The following CHD1 variants were observed in gnomAD, a reference collection of about 807,000 sequenced individuals.
CHD1 encodes chromodomain helicase DNA binding protein 1.
A neutral mutation model predicts 224.2 loss-of-function variants in CHD1; 36 were observed. The observed-to-expected ratio is 0.16, with a 90% CI of 0.12 to 0.21. The LOEUF (loss-of-function observed/expected upper bound fraction) is 0.21. Among genes scored for constraint, CHD1 ranks in the 10% least tolerant of loss-of-function variants. The pLI is 1.00. For synonymous variants in CHD1, 668 were observed against 658.3 expected, an observed-to-expected ratio of 1.01 and a Z score of -0.23; for missense variants, 1,378 against 1,994.8, an observed-to-expected ratio of 0.69 and a Z score of 5.89.
At chr5:98,858,920 A>G in intron 34 of CHD1, 44 bp downstream of exon 34, 1 of 1,408,194 alleles carries the variant, frequency 7.1e-7, no homozygotes, top group Non-Finnish European at 9.4e-7. Flanking sequence ...AATTTAAAAA[A>G]AATTTTTTTT....
chr5:98,916,516 G>A (rs1426468428), intron 2 of CHD1, among the ~76,000 whole-genome samples: 1 of 121,604 alleles, frequency 8.2e-6, no homozygotes, highest in Non-Finnish European at 1.6e-5. Flanking sequence ...TTGCACTCCA[G>A]TCTGGGCAAC....
chr5:98,895,070 C>G (rs1751257752), intron 12 of CHD1, among the ~76,000 whole-genome samples: 1 of 152,176 alleles, frequency 6.6e-6, no homozygotes, highest in Non-Finnish European at 1.5e-5. Flanking sequence ...ATCCACCTAC[C>G]TTGGCCTCCC....
Position 98,873,719 on chromosome 5 carries a change from C to G in CHD1, c.3445G>C (p.Asp1149His). The G allele has an allele frequency of 6.2e-7, 1 of 1,601,096 alleles. No homozygotes were observed. Among genetic ancestry groups the G allele is most frequent in the Non-Finnish European group, 8.5e-7 (1 of 1,176,198 alleles). Residue 1149 changes from aspartate to histidine, a missense_variant, in exon 26 of 36, where the codon GAT becomes CAT. Asp to His is a moderately conservative substitution (Grantham distance 81, BLOSUM62 -1). This residue lies in a region of CHD1 where 286 missense variants were observed against 445.1 expected (regional missense o/e 0.64). Coordinates refer to ENST00000614616, the MANE Select transcript of CHD1 (RefSeq NM_001270.4). Reference protein sequence around the residue: ...KKFGGPLERLDAIARDAELVD... With the variant: ...KKFGGPLERLHAIARDAELVD... Reference sequence around the variant, plus strand: ...AACTCAGCATCTCGAGCAATTGCATCTAATCTGTAACAAAATAATCCAATT... The same window carrying G: ...AACTCAGCATCTCGAGCAATTGCATGTAATCTGTAACAAAATAATCCAATT...
At position 98,928,818 on chromosome 5, in the gene CHD1, C is replaced by G. The variant is rs1753692684; in HGVS notation, c.-428G>C. ...AAGTAACCAGTCGTCGCCGCCGCCG[C>G]CGCCGCCGTCGCGCGCGCGCTCCCG... On this transcript the variant is annotated 5_prime_UTR_variant, in exon 1 of 36. Transcript: ENST00000614616. The G allele has an allele frequency of 6.2e-6, 1 of 160,650 alleles. No homozygotes were observed. Among genetic ancestry groups the G allele is most frequent in the African/African-American group, 2.4e-5 (1 of 41,520 alleles). The allele number at this position is 160,650 out of a possible 1,614,324, so 10.0% of individuals were successfully genotyped here. A position where few individuals can be genotyped will look rare whatever the true frequency, so the allele number is the denominator to read the frequency against.
chr5:98,872,768 T>A (rs141460034), intron 26 of CHD1, among the ~76,000 whole-genome samples: 19 of 152,202 alleles, frequency 1.2e-4, no homozygotes, highest in Non-Finnish European at 2.5e-4. Context: ...TTTCTCTAAG[T>A]GTTTTACCAA....
At chr5:98,870,255 A>AAC (rs1198524673) in intron 29 of CHD1, among the ~76,000 whole-genome samples, 1 of 152,162 alleles carries the variant, frequency 6.6e-6, no homozygotes, top group Non-Finnish European at 1.5e-5. Flanking sequence ...GTAAACTTCT[A>AAC]ACAGTTGCTC....
chr5:98,868,658 A>T (rs1054055367), intron 30 of CHD1, 23 bp from the exon 31 acceptor site: 7 of 1,521,838 alleles, frequency 4.6e-6, no homozygotes, highest in Non-Finnish European at 6.2e-6. Context: ...TGAAAAGAAA[A>T]CAAAAACAAA....
chr5:98,895,934 C>T (rs1222725672), intron 12 of CHD1, among the ~76,000 whole-genome samples: 6 of 151,596 alleles, frequency 4.0e-5, no homozygotes, highest in Non-Finnish European at 7.4e-5. Context: ...AGGCCAAGAA[C>T]GGTGGTTCAT....
chr5:98,905,135 A>G (rs1751961166), intron 2 of CHD1, 37 bp from the exon 3 acceptor site: 2 of 1,608,092 alleles, frequency 1.2e-6, no homozygotes, highest in Non-Finnish European at 1.7e-6. Context: ...AACAAAATTC[A>G]TTAGGAATTT....
intron 1 of CHD1, among the ~76,000 whole-genome samples, chr5:98,927,356 G>A (rs1196682541): frequency 6.6e-6 from 1 of 152,062 alleles, no homozygotes; most frequent in African/African-American, 2.4e-5. Context: ...GGAAGAAGCG[G>A]GGGAAGGAGA....
At chr5:98,914,566 C>T (rs181637159) in intron 2 of CHD1, among the ~76,000 whole-genome samples, 153 of 152,090 alleles carry the variant, frequency 1.0e-3, no homozygotes, top group Admixed American at 7.2e-4. Flanking sequence ...TACAACTGGT[C>T]CGATTCCTGA....
Position 98,926,528 on chromosome 5 carries a change from G to A in CHD1, c.-142C>T. On this transcript the variant is annotated 5_prime_UTR_variant, in exon 2 of 36. Transcript: ENST00000614616. ...CACAGGTTTTCTGGGACTCTCCTTT[G>A]ATTCACCTAAAGAAAATATATTAAT... The A allele has an allele frequency of 2.3e-6, 1 of 441,202 alleles. No individual in the cohort carries two copies. The highest frequency in any genetic ancestry group is 3.9e-6 in the Non-Finnish European group (1 of 254,464). 27.3% of individuals were successfully genotyped at this position (441,202 alleles called of 1,614,324 possible). A position where few individuals can be genotyped will look rare whatever the true frequency, so the allele number is the denominator to read the frequency against.
Position 98,882,137 on chromosome 5 carries a change from C to A in CHD1, c.2719-14G>T. The A allele has an allele frequency of 6.2e-7, 1 of 1,607,070 alleles. No individual in the cohort carries two copies. The highest frequency in any genetic ancestry group is 8.5e-7 in the Non-Finnish European group (1 of 1,176,998). Reference sequence around the variant, plus strand: ...ATAAATATTCACCTGTAAAAATACACATGAGGAAACAAATTGCAGTATAAA... The same window carrying A: ...ATAAATATTCACCTGTAAAAATACAAATGAGGAAACAAATTGCAGTATAAA... On this transcript the variant is annotated splice_polypyrimidine_tract_variant and intron_variant, in intron 19 of 35. Transcript: ENST00000614616.
In CHD1 at chr5:98,869,741, AAC is replaced by A. The variant is rs1176097892; in HGVS notation, c.4107+11_4107+12del. 3 of 1,612,434 alleles carry A rather than the reference AAC, an allele frequency of 1.9e-6. No homozygotes were observed. Among genetic ancestry groups the A allele is most frequent in the East Asian group, 4.5e-5 (2 of 44,818 alleles). On this transcript the variant is annotated intron_variant, in intron 30 of 35. Coordinates refer to ENST00000614616, the MANE Select transcript of CHD1 (RefSeq NM_001270.4). The stretch of plus-strand genomic sequence containing the variant: ...TCCATAGAAAAGGTTGTTGTTCTAA[AAC>A]ACATTCTTACTTTATCATCATCTTC...
At chr5:98,923,311 G>A (rs1054093043) in intron 2 of CHD1, among the ~76,000 whole-genome samples, 2 of 152,026 alleles carry the variant, frequency 1.3e-5, no homozygotes, top group Non-Finnish European at 2.9e-5. Context: ...CACAAAACCT[G>A]TATAGCAGAA....
intron 24 of CHD1, 34 bp from the exon 25 acceptor site, chr5:98,875,147 T>G: frequency 3.2e-6 from 4 of 1,237,950 alleles, no homozygotes; most frequent in Non-Finnish European, 4.7e-6. Context: ...AAATGTGAGC[T>G]TCAGTATTCA....
chr5:98,918,808 A>G (rs1752915505), intron 2 of CHD1, among the ~76,000 whole-genome samples: 1 of 151,804 alleles, frequency 6.6e-6, no homozygotes, highest in African/African-American at 2.4e-5. Flanking sequence ...TTCTGAATAT[A>G]TATCATTTGT....
chr5:98,884,668 AT>A (rs1015037084), intron 18 of CHD1, among the ~76,000 whole-genome samples: 131 of 151,732 alleles, frequency 8.6e-4, no homozygotes, highest in Non-Finnish European at 4.3e-4. Context: ...AATAAAAAAA[AT>A]TTTTTTTAAA....
intron 25 of CHD1, among the ~76,000 whole-genome samples, 177 bp downstream of exon 25, chr5:98,874,895 A>C (rs1749634477): frequency 6.6e-6 from 1 of 152,226 alleles, no homozygotes; most frequent in African/African-American, 2.4e-5. Context: ...CTGGAAATTA[A>C]ACACAGTATA....
Sources: allele counts gnomAD v4.1 joint callset (sites outside exome capture counted in the v4.1 genomes callset), GRCh38; gene constraint gnomAD v4.1.1; regional missense constraint gnomAD v4.1.1; transcripts MANE v1.5; gene names NCBI Gene and HGNC (gene_info 2026-07-23, HGNC 2026-07-21).